CBLB: variants seen among roughly 807,000 people sequenced by gnomAD.
CBLB encodes the protein Cbl proto-oncogene B, also known as E3 ubiquitin-protein ligase CBL-B.
A neutral mutation model predicts 104.9 loss-of-function variants in CBLB; 31 were observed. That is an observed-to-expected ratio of 0.30 (90% CI 0.22 to 0.40). The LOEUF is 0.40. CBLB is among the 10% of genes least tolerant of loss of function. The pLI, the probability that CBLB is intolerant of heterozygous loss-of-function variation, is 1.00. For missense variants in CBLB, 1,062 were observed against 1,214.6 expected, an observed-to-expected ratio of 0.87 and a Z score of 1.87; for synonymous variants, 440 against 422.6, an observed-to-expected ratio of 1.04 and a Z score of -0.51.
intron 3 of CBLB, among the ~76,000 whole-genome samples, chr3:105,782,686 A>G (rs1457154008): frequency 1.3e-5 from 2 of 150,856 alleles, no homozygotes; most frequent in Non-Finnish European, 2.9e-5. Context: ...TCATGGGTTC[A>G]AGCGATTCTC....
At chr3:105,787,488 T>C (rs561442529) in intron 3 of CBLB, among the ~76,000 whole-genome samples, 2 of 152,282 alleles carry the variant, frequency 1.3e-5, no homozygotes, top group African/African-American at 4.8e-5. Context: ...CCCCATAACA[T>C]TCTATGGGGC....
At chr3:105,857,789 T>C (rs1365003260) in intron 2 of CBLB, among the ~76,000 whole-genome samples, 1 of 152,094 alleles carries the variant, frequency 6.6e-6, no homozygotes, top group Non-Finnish European at 1.5e-5. Flanking sequence ...AAGGAATAAA[T>C]CACACACCTG....
intron 11 of CBLB, among the ~76,000 whole-genome samples, chr3:105,702,866 T>C (rs2069450597): frequency 6.6e-6 from 1 of 152,196 alleles, no homozygotes; most frequent in Non-Finnish European, 1.5e-5. Flanking sequence ...AGTAACTTGA[T>C]TTGTAATATT....
In CBLB at chr3:105,801,129, A is replaced by G. The variant is rs1335573311; in HGVS notation, c.420-24587T>C. ...GCAGGCTGAAAACCAAATTTTTTAG[A>G]GAGGATTTACCCTTACTGTGGGCTG... On this transcript the variant is annotated intron_variant, in intron 3 of 18. Transcript: ENST00000394030. 2.0e-5 allele frequency among the ~76,000 whole-genome samples: 3 copies of G among 152,304 alleles called. No homozygotes were observed. In the East Asian group the frequency reaches 5.8e-4, roughly 29 times the overall value.
At chr3:105,867,193 T>C (rs1467842844) in intron 2 of CBLB, among the ~76,000 whole-genome samples, 1 of 152,356 alleles carries the variant, frequency 6.6e-6, no homozygotes, top group African/African-American at 2.4e-5. Flanking sequence ...AGAGGAACTC[T>C]GAACCTTAAA....
At position 105,738,643 on chromosome 3, in the gene CBLB, G is replaced by C. The variant is rs371714403; in HGVS notation, c.984-1385C>G. 3.9e-5 allele frequency among the ~76,000 whole-genome samples: 6 copies of C among 152,014 alleles called. No individual in the cohort carries two copies. The East Asian group carries it at 7.7e-4, about 20-fold the overall frequency. ...TTAGGGTACCATAGGAAAGGTTAAA[G>C]GTTCTTTTTAACCTATCAGGAGGTT... On this transcript the variant is annotated intron_variant, in intron 7 of 18. Coordinates refer to ENST00000394030, the MANE Select transcript of CBLB (RefSeq NM_170662.5).
chr3:105,687,076 C>T (rs2067099102), intron 13 of CBLB, among the ~76,000 whole-genome samples: 1 of 152,004 alleles, frequency 6.6e-6, no homozygotes, highest in Admixed American at 6.5e-5. Context: ...TTAGCTAAGT[C>T]AAGGACCAGA....
intron 9 of CBLB, among the ~76,000 whole-genome samples, chr3:105,731,849 A>C (rs1290400599): frequency 4.6e-5 from 7 of 152,226 alleles, no homozygotes; most frequent in Non-Finnish European, 1.5e-5. Flanking sequence ...AACCAACTTA[A>C]CCTCCAAATA....
intron 18 of CBLB, among the ~76,000 whole-genome samples, chr3:105,664,457 G>A (rs1406798121): frequency 6.6e-6 from 1 of 152,174 alleles, no homozygotes; most frequent in Non-Finnish European, 1.5e-5. Context: ...AAGATCGTAA[G>A]TGAAAATGTG....
At chr3:105,725,849 T>TC (rs1244262660) in intron 9 of CBLB, among the ~76,000 whole-genome samples, 2 of 149,724 alleles carry the variant, frequency 1.3e-5, no homozygotes, top group Non-Finnish European at 3.0e-5. Context: ...TTTTATTTTA[T>TC]CTTTTTTTTT....
intron 4 of CBLB, among the ~76,000 whole-genome samples, chr3:105,759,463 T>A (rs1431180081): frequency 1.3e-5 from 2 of 152,106 alleles, no homozygotes; most frequent in African/African-American, 4.8e-5. Flanking sequence ...CTGCCACCAA[T>A]CATGTCATCT....
At chr3:105,857,781 G>C (rs1422305749) in intron 2 of CBLB, among the ~76,000 whole-genome samples, 4 of 152,112 alleles carry the variant, frequency 2.6e-5, no homozygotes, top group African/African-American at 9.7e-5. Flanking sequence ...AACACAGAAA[G>C]GAATAAATCA....
intron 3 of CBLB, among the ~76,000 whole-genome samples, chr3:105,838,135 T>C (rs375167023): frequency 4.8e-5 from 7 of 145,184 alleles, no homozygotes; most frequent in South Asian, 4.3e-4. Flanking sequence ...CAGGCTGGAG[T>C]GCAGCGCCAT....
chr3:105,730,937 T>A, intron 9 of CBLB, among the ~76,000 whole-genome samples: 1 of 152,192 alleles, frequency 6.6e-6, no homozygotes, highest in African/African-American at 2.4e-5. Context: ...GACAATTATG[T>A]ACTTCCTCAA....
At chr3:105,802,227 T>C (rs375662364) in intron 3 of CBLB, among the ~76,000 whole-genome samples, 2 of 152,342 alleles carry the variant, frequency 1.3e-5, no homozygotes, top group South Asian at 2.1e-4. Flanking sequence ...GTAGCTTTCA[T>C]GCATAAGATT....
chr3:105,816,211 G>GAA (rs535414864), intron 3 of CBLB, among the ~76,000 whole-genome samples: 8 of 147,516 alleles, frequency 5.4e-5, no homozygotes, highest in African/African-American at 2.0e-4. Flanking sequence ...TTTTAAAAAA[G>GAA]AAAAAAAAAA....
Position 105,737,201 on chromosome 3 carries a change from A to G in CBLB, c.1041T>C (p.Pro347=), listed in dbSNP as rs755892576. 6 of 1,591,264 alleles carry G rather than the reference A, an allele frequency of 3.8e-6. No individual in the cohort carries two copies. In the African/African-American group the frequency reaches 6.7e-5, roughly 18 times the overall value. ...YNPDLTGLCE[P]TPHDHIKVTQ... ...TAACTTTTATATGGTCATGAGGTGT[A>G]GGTTCACATAATCCAGTTAAATCAG... is the stretch of plus-strand genomic sequence containing the variant. Residue 347 remains proline (P), a synonymous_variant, in exon 8 of 19, where the codon CCT becomes CCC. Coordinates refer to ENST00000394030, the MANE Select transcript of CBLB (RefSeq NM_170662.5).
intron 2 of CBLB, among the ~76,000 whole-genome samples, chr3:105,859,482 T>C (rs865803429): frequency 6.6e-6 from 1 of 152,050 alleles, no homozygotes; most frequent in African/African-American, 2.4e-5. Flanking sequence ...AAACCCTGTT[T>C]CTACTAAAAA....
intron 3 of CBLB, among the ~76,000 whole-genome samples, chr3:105,779,744 T>A (rs1366548841): frequency 6.6e-6 from 1 of 152,206 alleles, no homozygotes; most frequent in Non-Finnish European, 1.5e-5. Flanking sequence ...AAATTTGTTA[T>A]CATAGAAAAT....
Sources: allele counts gnomAD v4.1 joint callset (sites outside exome capture counted in the v4.1 genomes callset), GRCh38; gene constraint gnomAD v4.1.1; transcripts MANE v1.5; gene names NCBI Gene and HGNC (gene_info 2026-07-23, HGNC 2026-07-21).